The following VWA5B1 variants were observed in gnomAD, a reference collection of about 807,000 sequenced individuals.
VWA5B1 encodes the protein von Willebrand factor A domain-containing protein 5B1.
In VWA5B1, 115 loss-of-function variants were observed where a neutral mutation model predicts 118.2. The ratio of observed to expected loss-of-function variants is 0.97; its 90% CI spans 0.84 to 1.14. The LOEUF (loss-of-function observed/expected upper bound fraction) is 1.14, where lower values mean the gene tolerates loss of function less well. Among genes scored for constraint, VWA5B1 ranks in the 50% most tolerant of loss-of-function variants. The probability of loss-of-function intolerance (pLI) is 0.00; values close to 1 mark genes in which losing one functional copy is unlikely to be tolerated. For missense variants in VWA5B1, 1,596 were observed against 1,603.8 expected (o/e 1.00, Z 0.08); for synonymous variants, 682 against 658.4 (o/e 1.04, Z -0.55).
chr1:20,328,064 G>A (rs1184789519), intron 9 of VWA5B1, 64 bp downstream of exon 9: 3 of 1,468,742 alleles, frequency 2.0e-6, no homozygotes, highest in Non-Finnish European at 2.8e-6. Flanking sequence ...GGAAAGGAGG[G>A]AAAGGGGAAA....
chr1:20,332,633 C>G (rs1224928110), intron 11 of VWA5B1, 133 bp from the exon 12 acceptor site: 3 of 894,606 alleles, frequency 3.4e-6, no homozygotes, highest in Non-Finnish European at 5.1e-6. Flanking sequence ...GTGCTCAGTG[C>G]TAGGCAAGTC....
chr1:20,346,851 A>G (rs1430141717), intron 17 of VWA5B1, among the ~76,000 whole-genome samples: 1 of 152,236 alleles, frequency 6.6e-6, no homozygotes, highest in Middle Eastern at 3.2e-3. Flanking sequence ...GAAATAAAAT[A>G]TGCCCTTCCT....
chr1:20,309,565 G>A (rs1425622068), intron 1 of VWA5B1, among the ~76,000 whole-genome samples: 3 of 152,254 alleles, frequency 2.0e-5, no homozygotes, highest in African/African-American at 7.2e-5. Context: ...GGACCGTGGT[G>A]ATGCTGGGCT....
rs1455637570 is a variant in VWA5B1 at position 20,318,835 on chromosome 1, T to G, written c.841+114T>G. 5.7e-6 allele frequency: 8 copies of G among 1,395,446 alleles called. No individual in the cohort carries two copies. In the East Asian group the frequency reaches 1.9e-4, roughly 32 times the overall value. 86.4% of individuals were successfully genotyped at this position (1,395,446 alleles called of 1,614,324 possible). On this transcript the variant is annotated intron_variant, in intron 6 of 21. Coordinates refer to ENST00000289815, the MANE Select transcript of VWA5B1 (RefSeq NM_001039500.3). ...AGCAGCTAGCTAGCCAGGGAAAGAG[T>G]CGGGGTGGGGGGTGTGGCCAAGGAG...
At chr1:20,353,612 A>G (rs748682061) in intron 21 of VWA5B1, 145 bp from the exon 22 acceptor site, 63 of 1,029,738 alleles carry the variant, frequency 6.1e-5, no homozygotes, top group Non-Finnish European at 7.8e-5. Context: ...GATAAAGGAT[A>G]GAGATGCTCA....
chr1:20,328,912 G>C (rs1402024789), intron 9 of VWA5B1, among the ~76,000 whole-genome samples: 1 of 152,192 alleles, frequency 6.6e-6, no homozygotes. Context: ...TCCAGCCCTT[G>C]TTCTATGCAT....
rs945291795 is a variant in VWA5B1, at chr1:20,327,595, C to T, written c.1144-295C>T. Among the ~76,000 whole-genome samples the T allele has an allele frequency of 3.3e-5, 5 of 151,260 alleles. No individual in the cohort carries two copies. In the East Asian group the frequency reaches 9.7e-4, roughly 29 times the overall value. On this transcript the variant is annotated intron_variant, in intron 8 of 21. Transcript: ENST00000289815. ...GAACTGGAAAGCCATAATAGAAAGGCTTTAAGAAATCAGACCTGCTACATG... is the reference window on the plus strand; with the variant it reads ...GAACTGGAAAGCCATAATAGAAAGGTTTTAAGAAATCAGACCTGCTACATG...
At chr1:20,292,493 G>A (rs1449858669) in intron 1 of VWA5B1, among the ~76,000 whole-genome samples, 5 of 152,356 alleles carry the variant, frequency 3.3e-5, no homozygotes, top group Admixed American at 3.3e-4. Flanking sequence ...GGGATTACCT[G>A]GAGGGTAGGG....
intron 1 of VWA5B1, among the ~76,000 whole-genome samples, chr1:20,291,825 AG>A (rs1325216365): frequency 6.6e-6 from 1 of 152,138 alleles, no homozygotes; most frequent in Non-Finnish European, 1.5e-5. Flanking sequence ...GCTAGTGGAG[AG>A]GAACTCAGCA....
intron 8 of VWA5B1, among the ~76,000 whole-genome samples, chr1:20,325,543 G>A (rs1345371904): frequency 6.6e-6 from 1 of 152,182 alleles, no homozygotes; most frequent in Admixed American, 6.5e-5. Context: ...GTTCCAGGCA[G>A]TTACTACCAG....
At chr1:20,318,463 G>T in intron 5 of VWA5B1, 127 bp from the exon 6 acceptor site, 1 of 1,375,126 alleles carries the variant, frequency 7.3e-7, no homozygotes, top group South Asian at 1.3e-5. Flanking sequence ...TCACACTGCA[G>T]GTCAGGAGCC....
rs574917690 is a variant in VWA5B1 at position 20,317,589 on chromosome 1, C to T, written c.623C>T (p.Ala208Val). Residue 208 changes from alanine to valine, a missense_variant, in exon 5 of 22, where the codon GCG (alanine) becomes GTG (valine). Coordinates refer to ENST00000289815, the MANE Select transcript of VWA5B1 (RefSeq NM_001039500.3). ...APGSWNKLCLATLLNTEVSNP... is the reference protein window; with the variant it reads ...APGSWNKLCLVTLLNTEVSNP... ...GGCTCCTGGAATAAGTTGTGCCTGG[C>T]GACTCTCCTGAACACCGAAGTGTCC... 35 of 1,551,774 alleles carry T rather than the reference C, an allele frequency of 2.3e-5. No homozygotes were observed. The African/African-American group carries it at 2.6e-4, about 12-fold the overall frequency.
intron 1 of VWA5B1, among the ~76,000 whole-genome samples, chr1:20,302,787 G>A (rs1359892035): frequency 6.6e-6 from 1 of 152,118 alleles, no homozygotes; most frequent in Non-Finnish European, 1.5e-5. Flanking sequence ...CTTGAAGGAT[G>A]GCTAAGGAGG....
In VWA5B1 at chr1:20,299,082, A is replaced by T. The variant is rs567204333; in HGVS notation, c.-27+7994A>T. Among the ~76,000 whole-genome samples the T allele has an allele frequency of 1.3e-4, 20 of 152,332 alleles. No individual in the cohort carries two copies. The Middle Eastern group carries it at 0.014, about 104-fold the overall frequency. ...GCACTTACAGGGTTATGAGGGATCC[A>T]TGTGATCATACACATAACTTTCTTA... On this transcript the variant is annotated intron_variant, in intron 1 of 21. Coordinates refer to ENST00000289815, the MANE Select transcript of VWA5B1 (RefSeq NM_001039500.3).
Position 20,323,487 on chromosome 1 carries a change from T to C in VWA5B1, c.1098T>C (p.Ile366=), listed in dbSNP as rs997856910. The C allele has an allele frequency of 1.3e-6, 2 of 1,528,834 alleles. No homozygotes were observed. Among genetic ancestry groups the C allele is most frequent in the Non-Finnish European group, 1.8e-6 (2 of 1,136,344 alleles). The allele number at this position is 1,528,834 out of a possible 1,614,324, so 94.7% of individuals were successfully genotyped here. ...RKAHGEFIFL[I]DRSSSMSGIS... ...CCCACGGGGAGTTCATCTTCCTCAT[T>C]GACAGGAGCAGCAGCATGAGCGGGA... The change falls in exon 8 of 22, where the codon ATT becomes ATC. Residue 366 remains isoleucine (I), a synonymous_variant. Transcript: ENST00000289815.
chr1:20,324,947 A>G (rs2100901420), intron 8 of VWA5B1, among the ~76,000 whole-genome samples: 1 of 152,350 alleles, frequency 6.6e-6, no homozygotes, highest in South Asian at 2.1e-4. Flanking sequence ...AGCACGCTCA[A>G]GGCCTCTGTG....
At chr1:20,321,664 G>A (rs1364532007) in intron 7 of VWA5B1, among the ~76,000 whole-genome samples, 1 of 151,254 alleles carries the variant, frequency 6.6e-6, no homozygotes, top group Non-Finnish European at 1.5e-5. Context: ...AGTAGGTGCT[G>A]GGTGTTCTTT....
chr1:20,307,508 A>G (rs867969892), intron 1 of VWA5B1, among the ~76,000 whole-genome samples: 3 of 152,266 alleles, frequency 2.0e-5, no homozygotes, highest in Non-Finnish European at 4.4e-5. Context: ...CTGCAGAAGA[A>G]TAATACCTTA....
intron 11 of VWA5B1, among the ~76,000 whole-genome samples, chr1:20,332,520 A>AAAAT (rs2089594676): frequency 1.3e-5 from 2 of 149,954 alleles, no homozygotes; most frequent in Admixed American, 6.6e-5. Context: ...AAAATAAAAT[A>AAAAT]AAATAAAATA....
Sources: allele counts gnomAD v4.1 joint callset (sites outside exome capture counted in the v4.1 genomes callset), GRCh38; gene constraint gnomAD v4.1.1; transcripts MANE v1.5; gene names NCBI Gene and HGNC (gene_info 2026-07-23, HGNC 2026-07-21).